The following MSRA variants were observed in gnomAD, a reference collection of about 807,000 sequenced individuals.
MSRA encodes the protein methionine sulfoxide reductase A, also known as mitochondrial peptide methionine sulfoxide reductase.
In MSRA, 54 loss-of-function variants were observed where a neutral mutation model predicts 31.3. The observed-to-expected ratio is 1.73, with a 90% CI of 1.39 to 2.17. The LOEUF (loss-of-function observed/expected upper bound fraction) is 2.17, where lower values mean the gene tolerates loss of function less well. Ranked by LOEUF, MSRA falls within the 30% of genes most tolerant of loss-of-function variation. The pLI, the probability that MSRA is intolerant of heterozygous loss-of-function variation, is 0.00. For missense variants in MSRA, 507 were observed against 300.9 expected (o/e 1.69, Z -5.07); for synonymous variants, 169 against 116.5 (o/e 1.45, Z -2.90).
intron 1 of MSRA, among the ~76,000 whole-genome samples, chr8:10,108,914 C>T (rs1463782460): frequency 2.6e-5 from 4 of 152,196 alleles, no homozygotes; most frequent in African/African-American, 9.7e-5. Flanking sequence ...CCTCAGCTGC[C>T]AAGCTCTTAG....
intron 3 of MSRA, among the ~76,000 whole-genome samples, chr8:10,268,318 G>A (rs1170406360): frequency 6.6e-6 from 1 of 152,152 alleles, no homozygotes; most frequent in East Asian, 1.9e-4. Context: ...CCAGACATTT[G>A]GGTAGAAAGT....
chr8:10,071,314 G>A (rs573573034), intron 1 of MSRA, among the ~76,000 whole-genome samples: 1 of 152,278 alleles, frequency 6.6e-6, no homozygotes, highest in Non-Finnish European at 1.5e-5. Context: ...TTCGTTAAAT[G>A]TCTTTGGTAG....
chr8:10,121,026 C>T (rs1332964720), intron 1 of MSRA, among the ~76,000 whole-genome samples: 1 of 152,154 alleles, frequency 6.6e-6, no homozygotes, highest in Non-Finnish European at 1.5e-5. Context: ...AAAATTAAGT[C>T]AAACATTTCA....
chr8:10,247,518 G>C (rs1797685125), intron 3 of MSRA, among the ~76,000 whole-genome samples: 2 of 152,116 alleles, frequency 1.3e-5, no homozygotes, highest in African/African-American at 4.8e-5. Flanking sequence ...AAATTCTTTT[G>C]TCTTTCTTAT....
intron 2 of MSRA, among the ~76,000 whole-genome samples, chr8:10,215,559 C>G (rs1241763597): frequency 2.0e-5 from 3 of 152,124 alleles, no homozygotes; most frequent in African/African-American, 7.2e-5. Flanking sequence ...CTTCATAACA[C>G]CAGACGAGTC....
At chr8:10,109,014 AT>A (rs1160847498) in intron 1 of MSRA, among the ~76,000 whole-genome samples, 2 of 152,208 alleles carry the variant, frequency 1.3e-5, no homozygotes, top group African/African-American at 4.8e-5. Flanking sequence ...TACTGAACAG[AT>A]GGAGAAGGGT....
At chr8:10,250,095 C>T (rs971021677) in intron 3 of MSRA, among the ~76,000 whole-genome samples, 1 of 152,156 alleles carries the variant, frequency 6.6e-6, no homozygotes, top group African/African-American at 2.4e-5. Context: ...TGGGCTGACA[C>T]TGGTTTTCTC....
rs1004960530 is a variant in MSRA at position 10,260,164 on chromosome 8, C to CTG, written c.331+14948_331+14949dup. On this transcript the variant is annotated intron_variant, in intron 3 of 5. Coordinates refer to ENST00000317173, the MANE Select transcript of MSRA (RefSeq NM_012331.5). ...GCAAAGAAAGGGAAGAAATGAGCGG[C>CTG]TGTGTGTGGGCGAGCCATTGATGCA... is the stretch of plus-strand genomic sequence containing the variant. Among the ~76,000 whole-genome samples, 14 of 152,308 alleles carry CTG rather than the reference C, an allele frequency of 9.2e-5. 1 individual carries two copies. The highest frequency in any genetic ancestry group is 3.4e-4 in the African/African-American group (14 of 41,560).
At chr8:10,128,997 C>G (rs192955344) in intron 1 of MSRA, among the ~76,000 whole-genome samples, 14 of 152,308 alleles carry the variant, frequency 9.2e-5, no homozygotes, top group Admixed American at 3.3e-4. Flanking sequence ...AATATGCTTT[C>G]TCTCTTAATT....
At chr8:10,310,552 G>C (rs922498055) in intron 4 of MSRA, among the ~76,000 whole-genome samples, 6 of 152,314 alleles carry the variant, frequency 3.9e-5, no homozygotes, top group Middle Eastern at 3.4e-3. Flanking sequence ...CTGAGTGACA[G>C]ACTCTTACTG....
At chr8:10,389,127 G>A (rs1359569752) in intron 5 of MSRA, among the ~76,000 whole-genome samples, 1 of 152,126 alleles carries the variant, frequency 6.6e-6, no homozygotes, top group African/African-American at 2.4e-5. Context: ...GCATGAATGG[G>A]TTAAAACACT....
chr8:10,267,659 A>C (rs1300254773), intron 3 of MSRA, among the ~76,000 whole-genome samples: 1 of 152,030 alleles, frequency 6.6e-6, no homozygotes, highest in Non-Finnish European at 1.5e-5. Context: ...AGGAAGGAGC[A>C]CCGGAGTTGG....
At chr8:10,086,983 T>A (rs1300797656) in intron 1 of MSRA, among the ~76,000 whole-genome samples, 1 of 152,026 alleles carries the variant, frequency 6.6e-6, no homozygotes, top group African/African-American at 2.4e-5. Flanking sequence ...GCTCTCAGAA[T>A]TCCACACTGG....
intron 1 of MSRA, among the ~76,000 whole-genome samples, chr8:10,155,526 T>C (rs1272924813): frequency 1.3e-5 from 2 of 152,226 alleles, no homozygotes; most frequent in Non-Finnish European, 2.9e-5. Context: ...CCAGCCATTA[T>C]GAGCATCTCT....
At chr8:10,223,333 A>G (rs1437359699) in intron 2 of MSRA, among the ~76,000 whole-genome samples, 2 of 152,192 alleles carry the variant, frequency 1.3e-5, no homozygotes, top group Non-Finnish European at 2.9e-5. Flanking sequence ...GTATACTTGG[A>G]ATGGAGCACA....
At chr8:10,157,111 A>T (rs1804222697) in intron 1 of MSRA, among the ~76,000 whole-genome samples, 1 of 151,962 alleles carries the variant, frequency 6.6e-6, no homozygotes, top group Non-Finnish European at 1.5e-5. Context: ...TTCTGACTCT[A>T]ATTTACCTAT....
At position 10,331,001 on chromosome 8, in the gene MSRA, G is replaced by A. The variant is rs567297218; in HGVS notation, c.543+11012G>A. On this transcript the variant is annotated intron_variant, in intron 5 of 5. Transcript: ENST00000317173. ...CGTGATGGGACTGCTGTCCTTATAC[G>A]AAGAGACACCAGGGAGCAGGCTCTT... Among the ~76,000 whole-genome samples the A allele has an allele frequency of 3.3e-5, 5 of 152,272 alleles. No individual in the cohort carries two copies. In the East Asian group the frequency reaches 7.7e-4, roughly 23 times the overall value.
At chr8:10,397,906 C>T (rs184784763) in intron 5 of MSRA, among the ~76,000 whole-genome samples, 14 of 152,160 alleles carry the variant, frequency 9.2e-5, no homozygotes, top group African/African-American at 3.4e-4. Context: ...CAGCTTGTTG[C>T]AGGGAAAAGT....
intron 5 of MSRA, among the ~76,000 whole-genome samples, chr8:10,355,936 C>G (rs182303980): frequency 2.6e-5 from 4 of 152,156 alleles, no homozygotes; most frequent in Admixed American, 1.3e-4. Flanking sequence ...GTATTCAGTA[C>G]TAGAGCTAGG....
Sources: allele counts gnomAD v4.1 joint callset (sites outside exome capture counted in the v4.1 genomes callset), GRCh38; gene constraint gnomAD v4.1.1; transcripts MANE v1.5; gene names NCBI Gene and HGNC (gene_info 2026-07-23, HGNC 2026-07-21).